KANK4: variants seen among roughly 807,000 people sequenced by gnomAD.
KANK4 encodes the protein KN motif and ankyrin repeat domains 4, also known as KN motif and ankyrin repeat domain-containing protein 4.
KANK4 carries 50 observed loss-of-function variants against 80.8 expected under a neutral mutation model. The ratio of observed to expected loss-of-function variants is 0.62; its 90% CI spans 0.49 to 0.78. The LOEUF (loss-of-function observed/expected upper bound fraction) is 0.78. KANK4 is among the 30% of genes least tolerant of loss of function. The pLI, the probability that KANK4 is intolerant of heterozygous loss-of-function variation, is 0.00. For missense variants in KANK4, 1,196 were observed against 1,240.1 expected (o/e 0.96, Z 0.53); for synonymous variants, 465 against 506.9 (o/e 0.92, Z 1.11).
At chr1:62,264,272 C>G (rs1489091688) in intron 6 of KANK4, among the ~76,000 whole-genome samples, 2 of 152,092 alleles carry the variant, frequency 1.3e-5, no homozygotes, top group Admixed American at 1.3e-4. Flanking sequence ...ACAAAATTAG[C>G]CGGGCAAGGT....
At chr1:62,298,630 T>G (rs1386836092) in intron 1 of KANK4, among the ~76,000 whole-genome samples, 1 of 152,210 alleles carries the variant, frequency 6.6e-6, no homozygotes, top group Non-Finnish European at 1.5e-5. Context: ...GGTAAGTCAC[T>G]CTAGCCCTTG....
chr1:62,309,768 G>A (rs1450169154), intron 1 of KANK4, among the ~76,000 whole-genome samples: 1 of 152,156 alleles, frequency 6.6e-6, no homozygotes, highest in African/African-American at 2.4e-5. Context: ...GCCACACTGC[G>A]ATGGACTAAC....
chr1:62,268,174 C>T, intron 5 of KANK4, 113 bp downstream of exon 5: 1 of 842,756 alleles, frequency 1.2e-6, no homozygotes, highest in Non-Finnish European at 1.9e-6. Context: ...ACTTAAACAA[C>T]ACTGGCAAAT....
At chr1:62,314,408 G>T (rs935471876) in intron 1 of KANK4, among the ~76,000 whole-genome samples, 2 of 152,098 alleles carry the variant, frequency 1.3e-5, no homozygotes, top group African/African-American at 4.8e-5. Flanking sequence ...TGAACTGAGC[G>T]CAGCGCCTGA....
chr1:62,270,755 C>T (rs113402931), intron 4 of KANK4, among the ~76,000 whole-genome samples: 1,750 of 152,234 alleles, frequency 0.011, 39 homozygotes, highest in African/African-American at 0.04. Context: ...CTCAAATTAG[C>T]AGGGATTCTG....
chr1:62,269,189 T>C (rs1183023245), intron 4 of KANK4, among the ~76,000 whole-genome samples: 1 of 152,232 alleles, frequency 6.6e-6, no homozygotes, highest in Non-Finnish European at 1.5e-5. Context: ...TATGCTCAAT[T>C]ATAAGTGACT....
At chr1:62,298,608 C>T (rs1320640216) in intron 1 of KANK4, among the ~76,000 whole-genome samples, 2 of 152,166 alleles carry the variant, frequency 1.3e-5, no homozygotes, top group East Asian at 1.9e-4. Context: ...CACTTGAAAC[C>T]GTGTGACCTT....
Position 62,238,303 on chromosome 1 carries a change from C to G in KANK4, c.2962G>C (p.Glu988Gln). 1 of 1,613,980 alleles carries G rather than the reference C, an allele frequency of 6.2e-7. No individual in the cohort carries two copies. Among genetic ancestry groups the G allele is most frequent in the Non-Finnish European group, 8.5e-7 (1 of 1,179,864 alleles). The change falls in exon 10 of 10, where the codon GAG becomes CAG. Residue 988 changes from glutamate (E) to glutamine (Q), a missense_variant. This residue lies in a region of KANK4 where 1,154 missense variants were observed against 1,179.6 expected (regional missense o/e 0.98). Coordinates refer to ENST00000371153, the MANE Select transcript of KANK4 (RefSeq NM_181712.5). ...EIAGLLRAHA[E>Q]QGRSLGL Reference sequence around the variant, plus strand: ...TACAGCCCCAGGGACCTGCCCTGCTCCGCGTGGGCTCTCAGAAGCCCAGCA... The same window carrying G: ...TACAGCCCCAGGGACCTGCCCTGCTGCGCGTGGGCTCTCAGAAGCCCAGCA...
chr1:62,308,787 C>T (rs991263363), intron 1 of KANK4, among the ~76,000 whole-genome samples: 4 of 152,188 alleles, frequency 2.6e-5, no homozygotes, highest in Admixed American at 6.5e-5. Context: ...TAGAAGGCAA[C>T]GATCTGGGAA....
intron 7 of KANK4, among the ~76,000 whole-genome samples, chr1:62,260,347 T>C (rs947185592): frequency 9.2e-5 from 14 of 151,812 alleles, no homozygotes; most frequent in African/African-American, 3.2e-4. Flanking sequence ...TCTCTCTCTT[T>C]TTCTGCCTGT....
intron 5 of KANK4, among the ~76,000 whole-genome samples, chr1:62,267,556 C>T (rs551367462): frequency 6.6e-6 from 1 of 152,294 alleles, no homozygotes; most frequent in South Asian, 2.1e-4. Flanking sequence ...AATCCCAGCA[C>T]TTTGGGAGGC....
At chr1:62,239,671 C>A (rs1046840517) in intron 9 of KANK4, among the ~76,000 whole-genome samples, 1 of 152,114 alleles carries the variant, frequency 6.6e-6, no homozygotes, top group Non-Finnish European at 1.5e-5. Flanking sequence ...TCACTCCCCC[C>A]ACCCCACGAC....
chr1:62,291,904 GACA>G (rs879323607), intron 1 of KANK4, among the ~76,000 whole-genome samples: 3 of 152,128 alleles, frequency 2.0e-5, no homozygotes, highest in Non-Finnish European at 4.4e-5. Flanking sequence ...ACCATACTCA[GACA>G]ACTTTATTTT....
chr1:62,266,597 AACTGCACACTCACACC>A (rs1289463513), intron 6 of KANK4, 119 bp downstream of exon 6: 13 of 651,986 alleles, frequency 2.0e-5, no homozygotes, highest in African/African-American at 9.4e-5. Flanking sequence ...TCACACTGTA[AACTGCACACTCACACC>A]ACTGCACACT....
Position 62,283,540 on chromosome 1 carries a change from A to G in KANK4, c.-70-1906T>C, listed in dbSNP as rs1041832098. ...TAAGTCAGCCGGGTTCCCTGACACT[A>G]TGACTGATCTTTAATTCCCCCTGTG... On this transcript the variant is annotated intron_variant, in intron 1 of 9. Coordinates refer to ENST00000371153, the MANE Select transcript of KANK4 (RefSeq NM_181712.5). Among the ~76,000 whole-genome samples, 4 of 152,142 alleles carry G rather than the reference A, an allele frequency of 2.6e-5. No individual in the cohort carries two copies. The East Asian group carries it at 7.7e-4, about 29-fold the overall frequency.
intron 1 of KANK4, among the ~76,000 whole-genome samples, chr1:62,305,117 GGGTTGA>G (rs1644440433): frequency 6.6e-6 from 1 of 152,198 alleles, no homozygotes; most frequent in African/African-American, 2.4e-5. Flanking sequence ...GTACTAAGAG[GGGTTGA>G]CCTTTCCTAC....
intron 1 of KANK4, among the ~76,000 whole-genome samples, chr1:62,311,355 C>T (rs534757455): frequency 2.0e-4 from 30 of 152,134 alleles, no homozygotes; most frequent in East Asian, 1.7e-3. Flanking sequence ...GAAACAACTG[C>T]TATATTCAAA....
At chr1:62,276,191 G>A (rs942693944) in intron 2 of KANK4, among the ~76,000 whole-genome samples, 13 of 152,136 alleles carry the variant, frequency 8.5e-5, no homozygotes, top group African/African-American at 3.1e-4. Context: ...CCAGTCCTTC[G>A]ACTATCTGCA....
chr1:62,310,399 G>C (rs558594556), intron 1 of KANK4, among the ~76,000 whole-genome samples: 1 of 152,298 alleles, frequency 6.6e-6, no homozygotes, highest in East Asian at 1.9e-4. Flanking sequence ...GGACTGGAGA[G>C]AGAGGGAGAA....
Sources: allele counts gnomAD v4.1 joint callset (sites outside exome capture counted in the v4.1 genomes callset), GRCh38; gene constraint gnomAD v4.1.1; regional missense constraint gnomAD v4.1.1; transcripts MANE v1.5; gene names NCBI Gene and HGNC (gene_info 2026-07-23, HGNC 2026-07-21).